Variants in RNF182 observed in about 807,000 individuals in gnomAD.
RNF182 encodes the protein E3 ubiquitin-protein ligase RNF182.
In RNF182, 15 loss-of-function variants were observed where a neutral mutation model predicts 14.4. The observed-to-expected ratio is 1.04, with a 90% CI of 0.70 to 1.60. The LOEUF is 1.60. Among genes scored for constraint, RNF182 ranks in the 40% most tolerant of loss-of-function variants. RNF182 has a pLI of 0.00. For missense variants in RNF182, 268 were observed against 294.8 expected (o/e 0.91, Z 0.67); for synonymous variants, 128 against 122.9 (o/e 1.04, Z -0.27).
At chr6:13,949,190 G>T in intron 1 of RNF182, 2 of 804,724 alleles carry the variant, frequency 2.5e-6, no homozygotes, top group Non-Finnish European at 4.5e-6. Flanking sequence ...AAAACTGTGT[G>T]TCAAGAATGC....
chr6:13,963,166 T>TA (rs113330627), intron 1 of RNF182, among the ~76,000 whole-genome samples: 3 of 152,300 alleles, frequency 2.0e-5, no homozygotes, highest in African/African-American at 7.2e-5. Context: ...TAATAGAAGT[T>TA]ATCATAATAC....
At chr6:13,953,440 G>A (rs1759645104) in intron 1 of RNF182, among the ~76,000 whole-genome samples, 1 of 152,196 alleles carries the variant, frequency 6.6e-6, no homozygotes, top group African/African-American at 2.4e-5. Context: ...CAGGAGGTAA[G>A]TAGGAGAGAC....
rs967394610 is a variant in RNF182, at chr6:13,969,353, T to C, written c.-366-4857T>C. Among the ~76,000 whole-genome samples, 7 of 152,214 alleles carry C rather than the reference T, an allele frequency of 4.6e-5. No homozygotes were observed. In the East Asian group the frequency reaches 1.3e-3, roughly 29 times the overall value. Reference sequence around the variant, plus strand: ...GGTTTGGGTCACATGCCCATTAGACTAATCCTTGTGAGTAGGGGAGTAGTG... The same window carrying C: ...GGTTTGGGTCACATGCCCATTAGACCAATCCTTGTGAGTAGGGGAGTAGTG... On this transcript the variant is annotated intron_variant, in intron 1 of 2. Coordinates refer to ENST00000488300, the MANE Select transcript of RNF182 (RefSeq NM_152737.4).
At position 13,977,297 on chromosome 6, in the gene RNF182, G is replaced by A; in HGVS notation, c.178G>A (p.Gly60Ser). 1 of 1,614,202 alleles carries A rather than the reference G, an allele frequency of 6.2e-7. No individual in the cohort carries two copies. The highest frequency in any genetic ancestry group is 8.5e-7 in the Non-Finnish European group (1 of 1,180,030). ...KIIDFGDSPQ[G>S]VIVCPFCRFE... is the part of the protein sequence containing the mutation. The stretch of plus-strand genomic sequence containing the variant: ...CATAGACTTTGGGGACTCCCCACAA[G>A]GTGTCATTGTCTGTCCTTTCTGCAG... Residue 60 changes from glycine (G) to serine (S), a missense_variant, in exon 3 of 3, where the codon GGT becomes AGT. Gly to Ser is a moderately conservative substitution (Grantham distance 56, BLOSUM62 0). Coordinates refer to ENST00000488300, the MANE Select transcript of RNF182 (RefSeq NM_152737.4).
At chr6:13,934,176 A>C (rs1382669700) in intron 1 of RNF182, among the ~76,000 whole-genome samples, 6 of 152,240 alleles carry the variant, frequency 3.9e-5, no homozygotes, top group Non-Finnish European at 8.8e-5. Flanking sequence ...CACCAGCCAC[A>C]TTTCAAGTGC....
At chr6:13,953,567 A>C (rs1304278400) in intron 1 of RNF182, among the ~76,000 whole-genome samples, 2 of 152,138 alleles carry the variant, frequency 1.3e-5, no homozygotes, top group African/African-American at 4.8e-5. Flanking sequence ...TGGAATAGGC[A>C]GTGTGAAGCC....
At chr6:13,976,416 A>G (rs1252667044) in intron 2 of RNF182, among the ~76,000 whole-genome samples, 1 of 152,224 alleles carries the variant, frequency 6.6e-6, no homozygotes. Context: ...TCTTATCTCT[A>G]TCAAAGCAGT....
chr6:13,944,160 A>G (rs747239928), intron 1 of RNF182, among the ~76,000 whole-genome samples: 8 of 152,162 alleles, frequency 5.3e-5, no homozygotes, highest in Non-Finnish European at 8.8e-5. Context: ...TGGGTGGTAG[A>G]GGATTTACAT....
chr6:13,972,198 A>G (rs976152086), intron 1 of RNF182, among the ~76,000 whole-genome samples: 1 of 151,864 alleles, frequency 6.6e-6, no homozygotes, highest in Non-Finnish European at 1.5e-5. Flanking sequence ...TCAGCTACTC[A>G]GGAGGCTGAG....
intron 1 of RNF182, among the ~76,000 whole-genome samples, chr6:13,940,310 A>T (rs1023696027): frequency 2.6e-5 from 4 of 152,178 alleles, no homozygotes; most frequent in Non-Finnish European, 4.4e-5. Flanking sequence ...ATCACATTTT[A>T]AAAAAATGTT....
intron 1 of RNF182, among the ~76,000 whole-genome samples, chr6:13,961,808 A>G (rs1168240109): frequency 6.6e-6 from 1 of 152,100 alleles, no homozygotes; most frequent in Non-Finnish European, 1.5e-5. Flanking sequence ...TTGTTGAGGG[A>G]GGCTTTCTGG....
At position 13,977,241 on chromosome 6, in the gene RNF182, A is replaced by G. The variant is rs1376604655; in HGVS notation, c.122A>G (p.His41Arg). 1.2e-6 allele frequency: 2 copies of G among 1,614,080 alleles called. No homozygotes were observed. The highest frequency in any genetic ancestry group is 2.7e-5 in the African/African-American group (2 of 74,930). Residue 41 changes from histidine (H) to arginine (R), a missense_variant, in exon 3 of 3, where the codon CAT (histidine) becomes CGT (arginine). Coordinates refer to ENST00000488300, the MANE Select transcript of RNF182 (RefSeq NM_152737.4). ...AAACCCAAAGTGCTGGAGTGTTGTC[A>G]TAGGGTTTGTGCCAAATGCCTCTAC... is the stretch of plus-strand genomic sequence containing the variant. ...QRKPKVLECC[H>R]RVCAKCLYKI...
chr6:13,971,501 T>A (rs1760183004), intron 1 of RNF182, among the ~76,000 whole-genome samples: 1 of 151,990 alleles, frequency 6.6e-6, no homozygotes. Context: ...GTACCAGGAG[T>A]GGGGTACTGC....
intron 2 of RNF182, among the ~76,000 whole-genome samples, chr6:13,974,670 G>A (rs1404330341): frequency 2.6e-5 from 4 of 152,190 alleles, no homozygotes; most frequent in Non-Finnish European, 5.9e-5. Flanking sequence ...AAGTAGGAAT[G>A]TGACCTGCTG....
At position 13,978,361 on chromosome 6, in the gene RNF182, C is replaced by G. The variant is rs1428108418; in HGVS notation, c.*498C>G. ...TAAGTCACTCTCTGTGGTCGGCGAT[C>G]CCATTGAGATACTTGTTTCCTCTGC... On this transcript the variant is annotated 3_prime_UTR_variant, in exon 3 of 3. Coordinates refer to ENST00000488300, the MANE Select transcript of RNF182 (RefSeq NM_152737.4). The G allele has an allele frequency of 6.2e-6, 1 of 161,546 alleles. No homozygotes were observed. 10.0% of individuals were successfully genotyped at this position (161,546 alleles called of 1,614,324 possible).
At chr6:13,940,962 A>T (rs920386637) in intron 1 of RNF182, among the ~76,000 whole-genome samples, 4 of 151,808 alleles carry the variant, frequency 2.6e-5, no homozygotes, top group Admixed American at 1.3e-4. Flanking sequence ...TTTTTTTGAG[A>T]CTATTCTTAT....
chr6:13,928,967 C>T (rs543016054), intron 1 of RNF182, among the ~76,000 whole-genome samples: 1 of 152,216 alleles, frequency 6.6e-6, no homozygotes, highest in South Asian at 2.1e-4. Context: ...ATGGTCCAGA[C>T]TCTAAAGCAG....
chr6:13,960,646 G>GAGAGAGAGAGAGAGAGA (rs1561784304), intron 1 of RNF182, among the ~76,000 whole-genome samples: 4 of 148,050 alleles, frequency 2.7e-5, no homozygotes, highest in African/African-American at 1.0e-4. Context: ...TTTGATGGAG[G>GAGAGAGAGAGAGAGAGA]GAGAGAGAGA....
intron 1 of RNF182, among the ~76,000 whole-genome samples, chr6:13,967,080 C>G (rs192600987): frequency 6.6e-6 from 1 of 152,036 alleles, no homozygotes; most frequent in Non-Finnish European, 1.5e-5. Context: ...TCAAGTGATC[C>G]ACCTATCTTG....
Sources: gnomAD v4.1 joint callset for allele counts (sites outside exome capture counted in the v4.1 genomes callset) on GRCh38, gnomAD v4.1.1 for gene constraint, MANE v1.5 for transcripts, NCBI Gene and HGNC (gene_info 2026-07-23, HGNC 2026-07-21) for gene names.